LINC00632: variants seen among roughly 807,000 people sequenced by gnomAD.
LINC00632 encodes ALDOA related specific transcript.
exon 5 of LINC00632, among the ~76,000 whole-genome samples, chrX:140,788,221 ATAT>A (rs1379960371): frequency 1.8e-5 from 2 of 110,591 alleles, no homozygotes; most frequent in East Asian, 5.7e-4. Flanking sequence ...ACATGAATTC[ATAT>A]TATGGTTAAC....
chrX:140,714,787 A>T (rs1930589137), intron 2 of LINC00632: 1 of 105,158 alleles, frequency 9.5e-6, no homozygotes, highest in African/African-American at 3.5e-5. Context: ...GTGCCACTGC[A>T]CTCCAGCCTG....
intron 3 of LINC00632, among the ~76,000 whole-genome samples, chrX:140,760,823 C>T (rs1931584143): frequency 1.8e-5 from 2 of 111,633 alleles, no homozygotes; most frequent in South Asian, 3.8e-4. Flanking sequence ...ATGTCATGTC[C>T]GAGCTAGAGA....
intron 1 of LINC00632, chrX:140,711,566 A>G: frequency 3.5e-6 from 1 of 283,761 alleles, no homozygotes; most frequent in Non-Finnish European, 6.9e-6. Context: ...TAAATAACTG[A>G]AGGAATATCT....
chrX:140,728,517 T>C (rs1182246841), intron 2 of LINC00632, among the ~76,000 whole-genome samples: 2 of 109,650 alleles, frequency 1.8e-5, no homozygotes, highest in African/African-American at 6.7e-5. Context: ...ACCTACCCCA[T>C]ATTGTACGGA....
chrX:140,741,734 G>C (rs73637751), intron 3 of LINC00632, among the ~76,000 whole-genome samples: 1,550 of 112,074 alleles, frequency 0.014, 26 homozygotes, highest in African/African-American at 0.048. Flanking sequence ...TCATAATAGA[G>C]ACCTTGGGGA....
At chrX:140,777,676 T>C (rs1931890732) in exon 5 of LINC00632, among the ~76,000 whole-genome samples, 1 of 112,212 alleles carries the variant, frequency 8.9e-6, no homozygotes, top group Non-Finnish European at 1.9e-5. Context: ...TAAATGGTAG[T>C]GGGCCCAGGA....
intron 3 of LINC00632, among the ~76,000 whole-genome samples, chrX:140,745,377 T>C (rs5954085): frequency 0.061 from 6,720 of 110,695 alleles, 394 homozygotes; most frequent in African/African-American, 0.19. Flanking sequence ...ATGTTTCATT[T>C]AACTCTTTGC....
exon 5 of LINC00632, among the ~76,000 whole-genome samples, chrX:140,778,423 G>C (rs1248909829): frequency 9.0e-6 from 1 of 111,048 alleles, no homozygotes; most frequent in Non-Finnish European, 1.9e-5. Context: ...TGGCCAACAT[G>C]GTGAAACCCC....
At chrX:140,744,528 A>G (rs1337017323) in intron 3 of LINC00632, among the ~76,000 whole-genome samples, 1 of 84,919 alleles carries the variant, frequency 1.2e-5, no homozygotes, top group African/African-American at 4.9e-5. Flanking sequence ...TAGGTAAATT[A>G]GGTCAAGCCC....
chrX:140,743,912 CT>C (rs1296400445), intron 3 of LINC00632, among the ~76,000 whole-genome samples: 1 of 111,259 alleles, frequency 9.0e-6, no homozygotes, highest in African/African-American at 3.3e-5. Flanking sequence ...GAAATTGTTT[CT>C]TGTACGTGCA....
intron 3 of LINC00632, among the ~76,000 whole-genome samples, chrX:140,769,755 C>T (rs1266889614): frequency 9.0e-6 from 1 of 110,688 alleles, no homozygotes; most frequent in African/African-American, 3.3e-5. Flanking sequence ...TAATTCCACG[C>T]GTACCCAGCA....
chrX:140,716,825 A>G (rs940987173), intron 2 of LINC00632, among the ~76,000 whole-genome samples: 2 of 109,945 alleles, frequency 1.8e-5, no homozygotes, highest in Admixed American at 2.0e-4. Context: ...AGACACACAC[A>G]CATCCTAACC....
intron 3 of LINC00632, among the ~76,000 whole-genome samples, chrX:140,753,062 TG>T (rs1931433127): frequency 8.9e-6 from 1 of 112,442 alleles, no homozygotes; most frequent in African/African-American, 3.2e-5. Context: ...TAATTTTGTT[TG>T]TTACATACAT....
chrX:140,744,099 T>C (rs959876431), intron 3 of LINC00632, among the ~76,000 whole-genome samples: 8 of 110,932 alleles, frequency 7.2e-5, no homozygotes, highest in African/African-American at 2.6e-4. Context: ...TGCATCATTT[T>C]GATTTTTTTG....
At chrX:140,709,784 G>T (rs1930478343) in exon 1 of LINC00632, 1 of 339,142 alleles carries the variant, frequency 2.9e-6, no homozygotes, top group South Asian at 2.6e-5. Flanking sequence ...CTCAGAGCTG[G>T]TGGGGAGACA....
intron 3 of LINC00632, among the ~76,000 whole-genome samples, chrX:140,763,873 T>G (rs1369028701): frequency 8.9e-6 from 1 of 111,758 alleles, no homozygotes; most frequent in Non-Finnish European, 1.9e-5. Context: ...CACTTGCCAT[T>G]TTATGTTGCG....
chrX:140,713,834 GC>G (rs1930569169), intron 2 of LINC00632: 2 of 310,762 alleles, frequency 6.4e-6, no homozygotes, highest in Non-Finnish European at 1.3e-5. Context: ...ACACAGACTT[GC>G]CCCCCCATAA....
exon 5 of LINC00632, chrX:140,784,325 A>C (rs752394087): frequency 8.3e-7 from 1 of 1,210,609 alleles, no homozygotes; most frequent in Non-Finnish European, 1.1e-6. Flanking sequence ...CTTCCAACAA[A>C]GGTACGTCTT....
At chrX:140,749,592 G>A (rs896310701) in intron 3 of LINC00632, among the ~76,000 whole-genome samples, 3 of 111,308 alleles carry the variant, frequency 2.7e-5, no homozygotes, top group Non-Finnish European at 5.6e-5. Context: ...AGGGGAGGAG[G>A]AAAGACAGTG....
Sources: allele counts gnomAD v4.1 joint callset (sites outside exome capture counted in the v4.1 genomes callset), GRCh38; gene constraint gnomAD v4.1.1; transcripts MANE v1.5; gene names NCBI Gene and HGNC (gene_info 2026-07-23, HGNC 2026-07-21).